The following VPS13A variants were observed in gnomAD, a reference collection of about 807,000 sequenced individuals.
VPS13A encodes the protein vacuolar protein sorting 13 homolog A, also known as intermembrane lipid transfer protein VPS13A.
In VPS13A, 264 loss-of-function variants were observed where a neutral mutation model predicts 390.9. The observed-to-expected ratio is 0.68, with a 90% confidence interval of 0.61 to 0.75. VPS13A has a LOEUF of 0.75. Ranked by LOEUF, VPS13A falls within the 30% of genes least tolerant of loss-of-function variation. The probability of loss-of-function intolerance (pLI) is 0.00; values close to 1 mark genes in which losing one functional copy is unlikely to be tolerated. For synonymous variants in VPS13A, 1,231 were observed against 1,227.1 expected, an observed-to-expected ratio of 1.00 and a Z score of -0.07; for missense variants, 3,409 against 3,733.9, an observed-to-expected ratio of 0.91 and a Z score of 2.27.
At chr9:77,388,547 C>T (rs540121440) in intron 68 of VPS13A, among the ~76,000 whole-genome samples, 1 of 152,174 alleles carries the variant, frequency 6.6e-6, no homozygotes, top group African/African-American at 2.4e-5. Flanking sequence ...ACACGTTTAA[C>T]AGTGTTATAA....
chr9:77,412,018 C>A (rs1834955966), intron 71 of VPS13A, among the ~76,000 whole-genome samples: 1 of 152,160 alleles, frequency 6.6e-6, no homozygotes, highest in Admixed American at 6.5e-5. Flanking sequence ...TTCCTCAACA[C>A]ATACACCCTC....
At chr9:77,258,092 G>A (rs561499065) in intron 22 of VPS13A, among the ~76,000 whole-genome samples, 1 of 152,240 alleles carries the variant, frequency 6.6e-6, no homozygotes, top group East Asian at 1.9e-4. Flanking sequence ...ACTAGACTGG[G>A]CCATTTAGAT....
In VPS13A at chr9:77,407,549, T is replaced by C; in HGVS notation, c.9416T>C (p.Val3139Ala). Reference protein sequence around the residue: ...RIEAKERVKSVFHAREFGKII... With the variant: ...RIEAKERVKSAFHAREFGKII... The stretch of plus-strand genomic sequence containing the variant: ...TGTTTATAGGAACGAGTGAAGTCTG[T>C]ATTTCATGCCAGAGAGTTTGGAAAA... The change falls in exon 71 of 72, where the codon GTA becomes GCA. Residue 3139 changes from valine to alanine, a missense_variant. Physicochemically the swap from Val to Ala is moderately conservative, Grantham distance 64 (BLOSUM62 0). Coordinates refer to ENST00000360280, the MANE Select transcript of VPS13A (RefSeq NM_033305.3). The C allele has an allele frequency of 6.2e-7, 1 of 1,612,804 alleles. No individual in the cohort carries two copies. The highest frequency in any genetic ancestry group is 8.5e-7 in the Non-Finnish European group (1 of 1,179,050).
rs1048663800 is a variant in VPS13A, at chr9:77,421,411, A to G, written c.*5405A>G. 1.3e-5 allele frequency: 2 copies of G among 152,212 alleles called. No homozygotes were observed. Among genetic ancestry groups the G allele is most frequent in the African/African-American group, 2.4e-5 (1 of 41,448 alleles). The allele number at this position is 152,212 out of a possible 1,614,324, so 9.4% of individuals were successfully genotyped here. ...TCCTCTCTCTAAAAATTGGTTGGCC[A>G]TGCTCACTAATGATTTTTTTTCTTA... On this transcript the variant is annotated 3_prime_UTR_variant, in exon 72 of 72. Coordinates refer to ENST00000360280, the MANE Select transcript of VPS13A (RefSeq NM_033305.3).
At chr9:77,337,187 C>T (rs1830584527) in intron 46 of VPS13A, 68 bp from the exon 47 acceptor site, 7 of 1,418,186 alleles carry the variant, frequency 4.9e-6, no homozygotes, top group Non-Finnish European at 5.8e-6. Context: ...TATTCTAAAG[C>T]TGTAATTATA....
chr9:77,268,177 C>G (rs1179526465), intron 23 of VPS13A, among the ~76,000 whole-genome samples: 1 of 152,186 alleles, frequency 6.6e-6, no homozygotes, highest in Non-Finnish European at 1.5e-5. Flanking sequence ...TGCTGGCATT[C>G]CAGGTGCCAC....
At chr9:77,200,582 C>T (rs115823302) in intron 2 of VPS13A, among the ~76,000 whole-genome samples, 1 of 151,908 alleles carries the variant, frequency 6.6e-6, no homozygotes, top group South Asian at 2.1e-4. Flanking sequence ...TTAAGACAGG[C>T]TCATGCTGTG....
Position 77,315,340 on chromosome 9 carries a change from G to T in VPS13A, c.4500G>T (p.Ala1500=). Residue 1500 remains alanine (A), a synonymous_variant, in exon 38 of 72, where the codon GCG becomes GCT. Coordinates refer to ENST00000360280, the MANE Select transcript of VPS13A (RefSeq NM_033305.3). ...TCAGAGATGGTTGTGTGACTGATGC[G>T]GTCTTTCAAGAAATGTATATTTGTG... ...RKVRDGCVTD[A]VFQEMYICAS... The T allele has an allele frequency of 3.7e-6, 6 of 1,613,930 alleles. No individual in the cohort carries two copies. Among genetic ancestry groups the T allele is most frequent in the Non-Finnish European group, 4.2e-6 (5 of 1,179,870 alleles).
chr9:77,410,357 ACCATCAAGG>A (rs1315023491), intron 71 of VPS13A, among the ~76,000 whole-genome samples: 1 of 152,192 alleles, frequency 6.6e-6, no homozygotes, highest in Non-Finnish European at 1.5e-5. Context: ...AATTGTAAAG[ACCATCAAGG>A]CTAGGAAGAA....
rs993269469 is a variant in VPS13A, at chr9:77,416,169, A to T, written c.*163A>T. 2.2e-5 allele frequency: 17 copies of T among 785,180 alleles called. No individual in the cohort carries two copies. The East Asian group carries it at 4.4e-4, about 20-fold the overall frequency. 48.6% of individuals were successfully genotyped at this position (785,180 alleles called of 1,614,324 possible). A position where few individuals can be genotyped will look rare whatever the true frequency, so the allele number is the denominator to read the frequency against. On this transcript the variant is annotated 3_prime_UTR_variant, in exon 72 of 72. Transcript: ENST00000360280. ...AAAAAAACAAAAACAAAAAAACAAA[A>T]CCAGAATCAGGTAAAACAGCTATGT...
intron 65 of VPS13A, 26 bp downstream of exon 65, chr9:77,370,604 G>T: frequency 6.2e-7 from 1 of 1,613,776 alleles, no homozygotes; most frequent in Non-Finnish European, 8.5e-7. Flanking sequence ...GGGTTGTGAA[G>T]ATTTTGGGAA....
chr9:77,374,668 A>C (rs1355862604), intron 67 of VPS13A, among the ~76,000 whole-genome samples: 3 of 152,240 alleles, frequency 2.0e-5, no homozygotes, highest in Admixed American at 6.5e-5. Flanking sequence ...ACTAGTGTAT[A>C]TGCATATCCT....
chr9:77,268,313 C>G (rs906421829), intron 23 of VPS13A, among the ~76,000 whole-genome samples: 1 of 152,104 alleles, frequency 6.6e-6, no homozygotes, highest in Non-Finnish European at 1.5e-5. Flanking sequence ...CTGCCGGTTG[C>G]GAAGACTGTG....
At position 77,276,337 on chromosome 9, in the gene VPS13A, AAC is replaced by A. The variant is rs1481949841; in HGVS notation, c.2824+117_2824+118del. On this transcript the variant is annotated intron_variant, in intron 26 of 71. Transcript: ENST00000360280. ...TACATTTGCTGAAATATTCTCAGAG[AAC>A]CATTCCTTTTTGAGTTAATCTTTAA... 1.8e-5 allele frequency: 18 copies of A among 983,704 alleles called. No individual in the cohort carries two copies. The African/African-American group carries it at 2.6e-4, about 14-fold the overall frequency. The allele number at this position is 983,704 out of a possible 1,614,324, so 60.9% of individuals were successfully genotyped here.
intron 33 of VPS13A, 74 bp from the exon 34 acceptor site, chr9:77,302,841 A>T: frequency 6.9e-7 from 1 of 1,459,316 alleles, no homozygotes; most frequent in Non-Finnish European, 9.5e-7. Flanking sequence ...TAAAAGGATA[A>T]ATTTAAGTTA....
Position 77,420,092 on chromosome 9 carries a change from C to CA in VPS13A, c.*4087dup, listed in dbSNP as rs1835301008. ...GCGCAACTCTAAAAGGAAACCCATT[C>CA]ACCCTCCTTAGTCCTTTGAAGTATA... On this transcript the variant is annotated 3_prime_UTR_variant, in exon 72 of 72. Transcript: ENST00000360280. 6.6e-6 allele frequency: 1 copy of CA among 152,140 alleles called. No individual in the cohort carries two copies. The highest frequency in any genetic ancestry group is 1.5e-5 in the Non-Finnish European group (1 of 68,026). The allele number at this position is 152,140 out of a possible 1,614,324, so 9.4% of individuals were successfully genotyped here.
chr9:77,357,059 C>T (rs545698205), intron 55 of VPS13A, among the ~76,000 whole-genome samples, 192 bp downstream of exon 55: 157 of 152,198 alleles, frequency 1.0e-3, no homozygotes, highest in Non-Finnish European at 1.6e-3. Flanking sequence ...GTGGTTCACA[C>T]CTGTAATCCC....
intron 70 of VPS13A, 61 bp downstream of exon 70, chr9:77,406,048 C>A: frequency 6.3e-7 from 1 of 1,598,112 alleles, no homozygotes; most frequent in African/African-American, 1.3e-5. Context: ...TTGAAGTAGT[C>A]CTTTTTATTT....
intron 26 of VPS13A, among the ~76,000 whole-genome samples, chr9:77,277,504 A>G (rs758920783): frequency 1.3e-5 from 2 of 152,172 alleles, no homozygotes; most frequent in African/African-American, 4.8e-5. Context: ...GGACATGTAT[A>G]ATGACATGCA....
Sources: allele counts gnomAD v4.1 joint callset (sites outside exome capture counted in the v4.1 genomes callset), GRCh38; gene constraint gnomAD v4.1.1; transcripts MANE v1.5; gene names NCBI Gene and HGNC (gene_info 2026-07-23, HGNC 2026-07-21).